The following HAS3 variants were observed in gnomAD, a reference collection of about 807,000 sequenced individuals.
HAS3 encodes the protein hyaluronan synthase 3.
HAS3 carries 27 observed loss-of-function variants against 50.3 expected under a neutral mutation model. The ratio of observed to expected loss-of-function variants is 0.54; its 90% CI spans 0.40 to 0.74. The LOEUF (loss-of-function observed/expected upper bound fraction) is 0.74. Ranked by LOEUF, HAS3 falls within the 30% of genes least tolerant of loss-of-function variation. The pLI, the probability that HAS3 is intolerant of heterozygous loss-of-function variation, is 0.00. For missense variants in HAS3, 517 were observed against 742.8 expected (o/e 0.70, Z 3.53); for synonymous variants, 339 against 310.9 (o/e 1.09, Z -0.95).
chr16:69,083,502 C>A, the HAS3 span: 1 of 1,611,866 alleles, frequency 6.2e-7, no homozygotes, highest in Non-Finnish European at 8.5e-7. Flanking sequence ...GCGCCGTCCT[C>A]AAGGATCTCT....
chr16:69,086,873 C>T, the HAS3 span, among the ~76,000 whole-genome samples: 2 of 152,190 alleles, frequency 1.3e-5, no homozygotes, highest in Non-Finnish European at 2.9e-5. Context: ...CATTGCACTC[C>T]AGCCTGGGCA....
Position 69,116,723 on chromosome 16 carries a change from G to A in HAS3, c.*1457G>A. 1.0e-6 allele frequency: 1 copy of A among 985,406 alleles called. No homozygotes were observed. The highest frequency in any genetic ancestry group is 1.2e-6 in the Non-Finnish European group (1 of 829,924). 61.0% of individuals were successfully genotyped at this position (985,406 alleles called of 1,614,324 possible). ...CCTCTGCTGCTTTTGGGGAATGAGG[G>A]GAAGCCATTTTCCAGTGACTTGCAA... On this transcript the variant is annotated 3_prime_UTR_variant, in exon 4 of 4. Transcript: ENST00000569188.
chr16:69,113,472 C>G lies in HAS3; in HGVS notation c.668C>G (p.Ala223Gly). 1.2e-6 allele frequency: 2 copies of G among 1,613,792 alleles called. No individual in the cohort carries two copies. Among genetic ancestry groups the G allele is most frequent in the Non-Finnish European group, 1.7e-6 (2 of 1,179,800 alleles). ...GACTCTGACACTGTGCTGGATCCAG[C>G]CTGCACCATCGAGATGCTTCGAGTC... is the stretch of plus-strand genomic sequence containing the variant. Reference protein sequence around the residue: ...VCDSDTVLDPACTIEMLRVLE... With the variant: ...VCDSDTVLDPGCTIEMLRVLE... Residue 223 changes from alanine to glycine, a missense_variant, in exon 3 of 4, where the codon GCC (alanine) becomes GGC (glycine). Physicochemically the swap from Ala to Gly is moderately conservative, Grantham distance 60. Coordinates refer to ENST00000569188, the MANE Select transcript of HAS3 (RefSeq NM_001199280.2).
chr16:69,086,025 G>A, the HAS3 span, among the ~76,000 whole-genome samples: 82 of 149,944 alleles, frequency 5.5e-4, no homozygotes, highest in Non-Finnish European at 8.7e-4. Context: ...GCACCACCAT[G>A]CCTGGCTAAT....
Position 69,115,384 on chromosome 16 carries a change from A to G in HAS3, c.*118A>G. ...CTGTGTTTTAGTCTCTTAATGGTCC[A>G]AAGGACAAATCTAAAATGCAAAGAA... On this transcript the variant is annotated 3_prime_UTR_variant, in exon 4 of 4. Transcript: ENST00000569188. The G allele has an allele frequency of 7.1e-7, 1 of 1,404,914 alleles. No individual in the cohort carries two copies. Among genetic ancestry groups the G allele is most frequent in the Non-Finnish European group, 9.2e-7 (1 of 1,084,164 alleles). The allele number at this position is 1,404,914 out of a possible 1,614,324, so 87.0% of individuals were successfully genotyped here.
rs893046591 is a variant in HAS3, at chr16:69,117,590, T to TTTAA, written c.*2327_*2330dup. ...ATTTTTACCTGCTTTTTTTTTTTTT[T>TTTAA]TTAATTTTCAGGTCAAGTTTTTTAT... On this transcript the variant is annotated 3_prime_UTR_variant, in exon 4 of 4. Transcript: ENST00000569188. 64 of 729,360 alleles carry TTTAA rather than the reference T, an allele frequency of 8.8e-5. No homozygotes were observed. Among genetic ancestry groups the TTTAA allele is most frequent in the Non-Finnish European group, 1.0e-4 (63 of 602,562 alleles). The allele number at this position is 729,360 out of a possible 1,614,324, so 45.2% of individuals were successfully genotyped here. A position where few individuals can be genotyped will look rare whatever the true frequency, so the allele number is the denominator to read the frequency against.
chr16:69,109,282 G>T lies in HAS3; in HGVS notation c.1-114G>T. On this transcript the variant is annotated intron_variant, in intron 1 of 3. Coordinates refer to ENST00000569188, the MANE Select transcript of HAS3 (RefSeq NM_001199280.2). The surrounding 1 kb of genome is among the most constrained non-coding windows in gnomAD (Gnocchi z 5.3). ...TACCAAGTCTTATGCTCAGTAAGCG[G>T]TAACGGTTTTGATCAGTGGGTCATG... 9.3e-7 allele frequency: 1 copy of T among 1,070,580 alleles called. No homozygotes were observed. Among genetic ancestry groups the T allele is most frequent in the Non-Finnish European group, 1.3e-6 (1 of 752,968 alleles). The allele number at this position is 1,070,580 out of a possible 1,614,324, so 66.3% of individuals were successfully genotyped here. A position where few individuals can be genotyped will look rare whatever the true frequency, so the allele number is the denominator to read the frequency against.
At chr16:69,117,879 A>C (rs750406428), downstream of HAS3, 9 of 171,916 alleles carry the variant, frequency 5.2e-5, no homozygotes, top group Admixed American at 1.1e-4. Context: ...CTAAAAACCA[A>C]AGCTTGCTTC....
At chr16:69,101,765 C>T (rs1240566867), upstream of HAS3, among the ~76,000 whole-genome samples, 1 of 151,910 alleles carries the variant, frequency 6.6e-6, no homozygotes, top group Non-Finnish European at 1.5e-5. Context: ...TATAAACTGC[C>T]TTGTACAGTT....
chr16:69,108,784 A>G (rs1441457136), intron 1 of HAS3, among the ~76,000 whole-genome samples: 1 of 152,214 alleles, frequency 6.6e-6, no homozygotes, highest in African/African-American at 2.4e-5. Context: ...AGTTTCTCTA[A>G]TAACTGTCTT....
chr16:69,083,547 C>T, the HAS3 span: 45 of 1,611,684 alleles, frequency 2.8e-5, no homozygotes, highest in South Asian at 1.0e-4. Flanking sequence ...GTCTGGAGCC[C>T]GATGACGTGG....
At chr16:69,091,363 C>A in the HAS3 span, among the ~76,000 whole-genome samples, 69 of 152,122 alleles carry the variant, frequency 4.5e-4, no homozygotes, top group East Asian at 0.01. Context: ...TTCTAATTTC[C>A]AATGGTTTTT....
Position 69,115,190 on chromosome 16 carries a change from T to C in HAS3, c.1586T>C (p.Met529Thr). The change falls in exon 4 of 4, where the codon ATG (methionine) becomes ACG (threonine). Residue 529 changes from methionine to threonine, a missense_variant. By Grantham distance (81) the Met-to-Thr change is moderately conservative. Coordinates refer to ENST00000569188, the MANE Select transcript of HAS3 (RefSeq NM_001199280.2). Reference protein sequence around the residue: ...LYGCYWVALLMLYLAIIARRC... With the variant: ...LYGCYWVALLTLYLAIIARRC... ...GGCTGCTACTGGGTGGCCCTCCTCA[T>C]GCTATATCTGGCCATCATCGCCCGG... 6.3e-7 allele frequency: 1 copy of C among 1,574,914 alleles called. No individual in the cohort carries two copies. The highest frequency in any genetic ancestry group is 1.2e-5 in the South Asian group (1 of 84,666).
the HAS3 span, among the ~76,000 whole-genome samples, chr16:69,086,714 G>A: frequency 6.6e-6 from 1 of 152,124 alleles, no homozygotes; most frequent in Non-Finnish European, 1.5e-5. Flanking sequence ...AGACCAGCCT[G>A]ACCAACATGG....
rs753233884 is a variant in HAS3 at position 69,117,454 on chromosome 16, C to T, written c.*2188C>T. 34 of 985,618 alleles carry T rather than the reference C, an allele frequency of 3.4e-5. No individual in the cohort carries two copies. The highest frequency in any genetic ancestry group is 4.0e-5 in the Non-Finnish European group (33 of 829,856). 61.1% of individuals were successfully genotyped at this position (985,618 alleles called of 1,614,324 possible). A position where few individuals can be genotyped will look rare whatever the true frequency, so the allele number is the denominator to read the frequency against. On this transcript the variant is annotated 3_prime_UTR_variant, in exon 4 of 4. Coordinates refer to ENST00000569188, the MANE Select transcript of HAS3 (RefSeq NM_001199280.2). The stretch of plus-strand genomic sequence containing the variant: ...CAAACTGGGTCTTCAGCTTTATCCC[C>T]GTTTCTTGCAAGGGAAGAGCCTTTA...
downstream of HAS3, chr16:69,118,276 G>T (rs563100861): frequency 8.9e-6 from 8 of 895,010 alleles, no homozygotes; most frequent in East Asian, 2.0e-4. Context: ...GGAGCTGCAG[G>T]CCCAGTCAGT....
chr16:69,113,150 A>AT (rs1961064753), intron 2 of HAS3, among the ~76,000 whole-genome samples: 1 of 152,004 alleles, frequency 6.6e-6, no homozygotes, highest in African/African-American at 2.4e-5. Context: ...CCCCAGAGCA[A>AT]TTTTTTGCGT....
the HAS3 span, among the ~76,000 whole-genome samples, chr16:69,085,734 T>C: frequency 1.0e-3 from 152 of 151,934 alleles, no homozygotes; most frequent in African/African-American, 3.5e-3. Context: ...CGCACCACCA[T>C]GCCTGGCTAA....
rs1960790231 is a variant in HAS3 at position 69,106,316 on chromosome 16, G to A, written c.-1+529G>A. The A allele has an allele frequency of 6.7e-6, 1 of 148,540 alleles. No homozygotes were observed. The highest frequency in any genetic ancestry group is 6.7e-5 in the Admixed American group (1 of 14,940). The allele number at this position is 148,540 out of a possible 1,614,324, so 9.2% of individuals were successfully genotyped here. On this transcript the variant is annotated intron_variant, in intron 1 of 3. Coordinates refer to ENST00000569188, the MANE Select transcript of HAS3 (RefSeq NM_001199280.2). The surrounding 1 kb of genome is among the most constrained non-coding windows in gnomAD (Gnocchi z 5.5). ...TCCGGAGCGCGGCAGCCGGCGGCAC[G>A]GTGAGCGCGGGCCGGCCGGCACCCA...
Sources: allele counts gnomAD v4.1 joint callset (sites outside exome capture counted in the v4.1 genomes callset), GRCh38; gene constraint gnomAD v4.1.1; non-coding constraint Gnocchi (gnomAD v3.1); transcripts MANE v1.5; gene names NCBI Gene and HGNC (gene_info 2026-07-23, HGNC 2026-07-21).